Variants in VPS13B observed in about 807,000 individuals in gnomAD.
VPS13B encodes intermembrane lipid transfer protein VPS13B.
In VPS13B, 285 loss-of-function variants were observed where a neutral mutation model predicts 426.4. That is an observed-to-expected ratio of 0.67 (90% CI 0.61 to 0.74). The LOEUF (loss-of-function observed/expected upper bound fraction) is 0.74, where lower values mean the gene tolerates loss of function less well. Ranked by LOEUF, VPS13B falls within the 30% of genes least tolerant of loss-of-function variation. The pLI, the probability that VPS13B is intolerant of heterozygous loss-of-function variation, is 0.00. For synonymous variants in VPS13B, 1,676 were observed against 1,676.4 expected, an observed-to-expected ratio of 1.00 and a Z score of 0.01; for missense variants, 4,537 against 4,782.6, an observed-to-expected ratio of 0.95 and a Z score of 1.51.
chr8:99,284,133 T>C (rs1819306038), intron 19 of VPS13B, among the ~76,000 whole-genome samples: 1 of 152,212 alleles, frequency 6.6e-6, no homozygotes, highest in South Asian at 2.1e-4. Flanking sequence ...TAAGGGAATT[T>C]ATAGATATTT....
intron 34 of VPS13B, among the ~76,000 whole-genome samples, chr8:99,655,275 T>A (rs936059851): frequency 5.9e-5 from 9 of 152,178 alleles, no homozygotes; most frequent in African/African-American, 2.2e-4. Flanking sequence ...AGACAAAGAG[T>A]TTTGATACTT....
intron 3 of VPS13B, among the ~76,000 whole-genome samples, chr8:99,090,542 GTGTGAGCCACCA>G (rs1388035843): frequency 1.3e-5 from 2 of 152,088 alleles, no homozygotes; most frequent in African/African-American, 4.8e-5. Flanking sequence ...GGGATTATAG[GTGTGAGCCACCA>G]TGCCTGGCCT....
intron 2 of VPS13B, among the ~76,000 whole-genome samples, chr8:99,031,112 T>C (rs1459031529): frequency 6.6e-6 from 1 of 152,168 alleles, no homozygotes; most frequent in African/African-American, 2.4e-5. Context: ...CAGGTGAAGA[T>C]TTCCTGTATT....
intron 4 of VPS13B, among the ~76,000 whole-genome samples, chr8:99,098,638 A>T (rs1332585874): frequency 1.3e-5 from 2 of 152,112 alleles, no homozygotes; most frequent in Non-Finnish European, 2.9e-5. Context: ...ACTCCTTTCC[A>T]ATTTATAGAG....
At chr8:99,724,209 G>A (rs906291337) in intron 39 of VPS13B, among the ~76,000 whole-genome samples, 12 of 152,160 alleles carry the variant, frequency 7.9e-5, no homozygotes, top group Non-Finnish European at 1.8e-4. Context: ...GCCAGGCCCT[G>A]GGCTTGCTCT....
At chr8:99,195,462 G>T (rs1334864496) in intron 17 of VPS13B, among the ~76,000 whole-genome samples, 1 of 152,108 alleles carries the variant, frequency 6.6e-6, no homozygotes. Context: ...GAGTTCCTTA[G>T]ATATTTTGGA....
chr8:99,824,352 G>A (rs1037518414), intron 51 of VPS13B, among the ~76,000 whole-genome samples: 2 of 152,194 alleles, frequency 1.3e-5, no homozygotes, highest in Admixed American at 6.5e-5. Flanking sequence ...TGCAGTGCCT[G>A]GGGGAGCCAT....
chr8:99,438,034 C>CTTTTTTTTTT (rs746500253), intron 22 of VPS13B, among the ~76,000 whole-genome samples: 3 of 120,604 alleles, frequency 2.5e-5, no homozygotes, highest in East Asian at 2.5e-4. Context: ...TTCTTTTCCT[C>CTTTTTTTTTT]TTTTTTTTTT....
chr8:99,518,982 T>A (rs1248223592), intron 29 of VPS13B, among the ~76,000 whole-genome samples: 2 of 152,158 alleles, frequency 1.3e-5, no homozygotes, highest in African/African-American at 4.8e-5. Flanking sequence ...TTAATATACG[T>A]TTATTTTAAG....
Position 99,854,005 on chromosome 8 carries a change from G to T in VPS13B, c.10616G>T (p.Gly3539Val), listed in dbSNP as rs761340678. 6.2e-7 allele frequency: 1 copy of T among 1,614,176 alleles called. No homozygotes were observed. The highest frequency in any genetic ancestry group is 1.3e-5 in the African/African-American group (1 of 75,020). The part of the protein sequence containing the change: ...LAGHSTHLSG[G>V]KQVLPMQVTQ... ...GGTCACTCCACACACCTCTCCGGGG[G>T]TAAACAGGTGTTGCCCATGCAGGTC... The change falls in exon 56 of 62, where the codon GGT (glycine) becomes GTT (valine). Residue 3539 changes from glycine to valine, a missense_variant. By Grantham distance (109) the Gly-to-Val change is moderately radical. Coordinates refer to ENST00000357162, the MANE Select transcript of VPS13B (RefSeq NM_152564.5).
intron 40 of VPS13B, among the ~76,000 whole-genome samples, chr8:99,767,692 G>A (rs1383922656): frequency 6.6e-6 from 1 of 152,110 alleles, no homozygotes; most frequent in Non-Finnish European, 1.5e-5. Context: ...ACTTTGGAAG[G>A]CTAAGGCGGG....
At chr8:99,445,455 A>T (rs543105618) in intron 23 of VPS13B, among the ~76,000 whole-genome samples, 45 of 149,530 alleles carry the variant, frequency 3.0e-4, no homozygotes, top group Non-Finnish European at 6.1e-4. Context: ...ACAGAGCAAG[A>T]CCCTGACTCT....
chr8:99,132,761 G>A (rs1442603134), intron 8 of VPS13B, among the ~76,000 whole-genome samples: 6 of 152,200 alleles, frequency 3.9e-5, no homozygotes, highest in Non-Finnish European at 7.3e-5. Flanking sequence ...CTCCATCAGA[G>A]GTGTAGGGTG....
rs753324862 is a variant in VPS13B at position 99,271,551 on chromosome 8, A to G, written c.2516-2647A>G. The stretch of plus-strand genomic sequence containing the variant: ...AGACAAAATACAAATTAGCAAATTG[A>G]TAGCTCCGAGTATTAGTCCGTTCGC... On this transcript the variant is annotated intron_variant, in intron 17 of 61. Transcript: ENST00000357162. Among the ~76,000 whole-genome samples, 7 of 152,154 alleles carry G rather than the reference A, an allele frequency of 4.6e-5. 1 individual carries two copies. Among genetic ancestry groups the G allele is most frequent in the Non-Finnish European group, 1.0e-4 (7 of 68,012 alleles).
intron 52 of VPS13B, among the ~76,000 whole-genome samples, chr8:99,834,000 T>C (rs1436418249): frequency 6.6e-6 from 1 of 152,218 alleles, no homozygotes; most frequent in African/African-American, 2.4e-5. Flanking sequence ...CTTCCCTCAA[T>C]CCAACCAACA....
chr8:99,189,885 T>C (rs1813458482), intron 16 of VPS13B, among the ~76,000 whole-genome samples: 1 of 152,218 alleles, frequency 6.6e-6, no homozygotes. Context: ...TTTATGTTCT[T>C]GTAGTATGCC....
intron 36 of VPS13B, among the ~76,000 whole-genome samples, chr8:99,709,316 T>C (rs1456793605): frequency 6.6e-6 from 1 of 152,224 alleles, no homozygotes; most frequent in Admixed American, 6.5e-5. Context: ...AGTCAGCATG[T>C]AGACACTAGG....
intron 33 of VPS13B, among the ~76,000 whole-genome samples, chr8:99,594,343 G>C (rs531912771): frequency 6.6e-6 from 1 of 151,972 alleles, no homozygotes; most frequent in Admixed American, 6.6e-5. Flanking sequence ...GCAAAATTGA[G>C]ATAATAATAG....
rs183453316 is a variant in VPS13B, at chr8:99,308,262, G to A, written c.2824+33008G>A. On this transcript the variant is annotated intron_variant, in intron 19 of 61. Coordinates refer to ENST00000357162, the MANE Select transcript of VPS13B (RefSeq NM_152564.5). The stretch of plus-strand genomic sequence containing the variant: ...AGTTACATATGTATACATGCACCAC[G>A]TCGGTGTGCTGCACCCATTAACTCG... 1.0e-3 allele frequency among the ~76,000 whole-genome samples: 157 copies of A among 151,660 alleles called. 3 individuals are homozygous for A. The highest frequency in any genetic ancestry group is 9.7e-3 in the Admixed American group (147 of 15,214).
Sources: allele counts gnomAD v4.1 joint callset (sites outside exome capture counted in the v4.1 genomes callset), GRCh38; gene constraint gnomAD v4.1.1; transcripts MANE v1.5; gene names NCBI Gene and HGNC (gene_info 2026-07-23, HGNC 2026-07-21).